Variants in KIAA0586 observed in about 807,000 individuals in gnomAD.
The protein encoded by KIAA0586 is KIAA0586.
In KIAA0586, 144 loss-of-function variants were observed where a neutral mutation model predicts 169.8. The ratio of observed to expected loss-of-function variants is 0.85; its 90% CI spans 0.74 to 0.97. The LOEUF is 0.97. Among genes scored for constraint, KIAA0586 ranks in the 50% least tolerant of loss-of-function variants. The pLI is 0.00. For synonymous variants in KIAA0586, 625 were observed against 612.4 expected, an observed-to-expected ratio of 1.02 and a Z score of -0.30; for missense variants, 1,854 against 1,823.0, an observed-to-expected ratio of 1.02 and a Z score of -0.31.
chr14:58,505,153 A>G (rs2043844279), intron 27 of KIAA0586, among the ~76,000 whole-genome samples: 1 of 152,130 alleles, frequency 6.6e-6, no homozygotes, highest in African/African-American at 2.4e-5. Context: ...TTATATGCAC[A>G]CATGCATGTA....
intron 8 of KIAA0586, 143 bp from the exon 9 acceptor site, chr14:58,453,207 C>A (rs1456298311): frequency 4.7e-6 from 2 of 425,530 alleles, no homozygotes; most frequent in Non-Finnish European, 8.2e-6. Context: ...GCATGAGCCA[C>A]TGCGCCTGGC....
intron 1 of KIAA0586, among the ~76,000 whole-genome samples, chr14:58,429,125 T>C (rs2037139871): frequency 1.3e-5 from 2 of 152,242 alleles, no homozygotes; most frequent in Admixed American, 1.3e-4. Flanking sequence ...TATTTTAAAA[T>C]GTTTCGTGCT....
intron 29 of KIAA0586, among the ~76,000 whole-genome samples, chr14:58,529,452 C>T (rs1021119693): frequency 6.6e-6 from 1 of 152,126 alleles, no homozygotes; most frequent in African/African-American, 2.4e-5. Flanking sequence ...GTGTAAAAAT[C>T]CTCAATAAAA....
Position 58,488,122 on chromosome 14 carries a change from A to G in KIAA0586, c.3527+13A>G, listed in dbSNP as rs2042598179. ...ATCCAAGAGCTATGTAAATGAGAACATACTCACTAGTAACTGTACATTTCA... is the reference window on the plus strand; with the variant it reads ...ATCCAAGAGCTATGTAAATGAGAACGTACTCACTAGTAACTGTACATTTCA... On this transcript the variant is annotated intron_variant, in intron 23 of 30. Transcript: ENST00000652326. 1.9e-6 allele frequency: 3 copies of G among 1,540,006 alleles called. No homozygotes were observed. Among genetic ancestry groups the G allele is most frequent in the Middle Eastern group, 1.7e-4 (1 of 5,968 alleles).
At chr14:58,482,783 A>G (rs1464758793) in intron 21 of KIAA0586, 71 bp downstream of exon 21, 1 of 1,022,068 alleles carries the variant, frequency 9.8e-7, no homozygotes, top group Non-Finnish European at 1.4e-6. Flanking sequence ...ATACCATAAG[A>G]TCATTGTTTG....
At chr14:58,492,437 CAG>C (rs1342016162) in intron 26 of KIAA0586, among the ~76,000 whole-genome samples, 162 bp downstream of exon 26, 2 of 152,252 alleles carry the variant, frequency 1.3e-5, no homozygotes, top group African/African-American at 2.4e-5. Flanking sequence ...AGTTTTATAA[CAG>C]AAAGGAATTT....
chr14:58,458,028 C>T, intron 11 of KIAA0586, 49 bp downstream of exon 11: 2 of 1,227,608 alleles, frequency 1.6e-6, no homozygotes, highest in Non-Finnish European at 2.3e-6. Context: ...GTCAGTTCCA[C>T]TTTCTTCATA....
At chr14:58,517,736 A>T (rs756892251) in intron 29 of KIAA0586, among the ~76,000 whole-genome samples, 1 of 152,216 alleles carries the variant, frequency 6.6e-6, no homozygotes, top group Non-Finnish European at 1.5e-5. Flanking sequence ...GTCCTTCAAC[A>T]AGTAAATGGA....
chr14:58,504,788 G>A (rs2043815786), intron 27 of KIAA0586, among the ~76,000 whole-genome samples: 1 of 152,082 alleles, frequency 6.6e-6, no homozygotes, highest in Admixed American at 6.6e-5. Context: ...ATTGCTGTCA[G>A]GGAATCCTTT....
Position 58,489,918 on chromosome 14 carries a change from A to G in KIAA0586, c.3782-246A>G, listed in dbSNP as rs534040759. 8.5e-5 allele frequency among the ~76,000 whole-genome samples: 13 copies of G among 152,232 alleles called. No individual in the cohort carries two copies. In the East Asian group the frequency reaches 2.3e-3, roughly 27 times the overall value. On this transcript the variant is annotated intron_variant, in intron 24 of 30. Coordinates refer to ENST00000652326, the MANE Select transcript of KIAA0586 (RefSeq NM_001329943.3). Reference sequence around the variant, plus strand: ...CCCGTTTCTCAATTTCATAACTACAATTGATATTTATAGTTTTTAATTTCT... The same window carrying G: ...CCCGTTTCTCAATTTCATAACTACAGTTGATATTTATAGTTTTTAATTTCT...
intron 4 of KIAA0586, chr14:58,440,049 ATTT>A (rs59044231): frequency 1.3e-4 from 22 of 163,908 alleles, no homozygotes; most frequent in South Asian, 9.3e-4. Flanking sequence ...TTAATTTTTA[ATTT>A]TTTTTTTTTT....
chr14:58,488,867 C>A lies in KIAA0586; in HGVS notation c.3774C>A (p.Ala1258=), dbSNP rs199982600. 6.2e-7 allele frequency: 1 copy of A among 1,613,250 alleles called. No individual in the cohort carries two copies. Among genetic ancestry groups the A allele is most frequent in the East Asian group, 2.2e-5 (1 of 44,860 alleles). The change falls in exon 24 of 31, where the codon GCC becomes GCA. Residue 1258 remains alanine (A), a synonymous_variant. Coordinates refer to ENST00000652326, the MANE Select transcript of KIAA0586 (RefSeq NM_001329943.3). ...EILFSCGQKL[A]PKILEDIGLY... ...TATTTAGCTGTGGTCAAAAATTGGC[C>A]CCCAAGAGTAAGTTAATTTGTATTA...
chr14:58,490,289 G>A, intron 25 of KIAA0586, 49 bp downstream of exon 25: 1 of 1,072,226 alleles, frequency 9.3e-7, no homozygotes, highest in Non-Finnish European at 1.3e-6. Flanking sequence ...AAGAATATCT[G>A]TATGAATTGG....
chr14:58,428,436 G>A lies in KIAA0586; in HGVS notation c.172G>A (p.Gly58Arg). The change falls in exon 1 of 31, where the codon GGG (glycine) becomes AGG (arginine). Residue 58 changes from glycine (G) to arginine (R), a missense_variant. Physicochemically the swap from Gly to Arg is moderately radical, Grantham distance 125. Coordinates refer to ENST00000652326, the MANE Select transcript of KIAA0586 (RefSeq NM_001329943.3). ...SANKRLPVGT[G>R]TSLNGTSRGS... ...AAATAAACGTCTTCCTGTTGGAACG[G>A]GGACTAGTTTGAATGGAACATCACG... 6.2e-7 allele frequency: 1 copy of A among 1,613,728 alleles called. No homozygotes were observed. The highest frequency in any genetic ancestry group is 8.5e-7 in the Non-Finnish European group (1 of 1,179,662).
downstream of KIAA0586, among the ~76,000 whole-genome samples, chr14:58,556,258 T>C (rs1373661180): frequency 1.3e-5 from 2 of 152,206 alleles, no homozygotes; most frequent in East Asian, 3.8e-4. Flanking sequence ...CATTAGCCCA[T>C]GGAGCAGCTT....
chr14:58,505,025 G>A (rs1407344274), intron 27 of KIAA0586, among the ~76,000 whole-genome samples: 2 of 152,064 alleles, frequency 1.3e-5, no homozygotes, highest in East Asian at 1.9e-4. Context: ...AAGCTATTAC[G>A]CACTTTTTGA....
chr14:58,479,720 C>T (rs2041898263), intron 20 of KIAA0586, among the ~76,000 whole-genome samples: 1 of 152,024 alleles, frequency 6.6e-6, no homozygotes, highest in Admixed American at 6.6e-5. Flanking sequence ...GGATCAAGTT[C>T]TTTTTTGTTT....
chr14:58,458,316 A>C (rs2140851140), intron 11 of KIAA0586, among the ~76,000 whole-genome samples, 157 bp from the exon 12 acceptor site: 1 of 152,230 alleles, frequency 6.6e-6, no homozygotes, highest in Non-Finnish European at 1.5e-5. Flanking sequence ...CAGATGAAGG[A>C]TATTAGGCCC....
intron 29 of KIAA0586, among the ~76,000 whole-genome samples, chr14:58,515,998 C>T (rs1375071132): frequency 6.6e-6 from 1 of 151,946 alleles, no homozygotes; most frequent in Non-Finnish European, 1.5e-5. Context: ...CAGACTCCTC[C>T]AAAAAGAGAT....
Sources: gnomAD v4.1 joint callset for allele counts (sites outside exome capture counted in the v4.1 genomes callset) on GRCh38, gnomAD v4.1.1 for gene constraint, MANE v1.5 for transcripts, NCBI Gene and HGNC (gene_info 2026-07-23, HGNC 2026-07-21) for gene names.